The following EYA3 variants were observed in gnomAD, a reference collection of about 807,000 sequenced individuals.
EYA3 encodes the protein protein phosphatase EYA3.
A neutral mutation model predicts 80.0 loss-of-function variants in EYA3; 39 were observed. That is an observed-to-expected ratio of 0.49 (90% CI 0.38 to 0.64). EYA3 has a LOEUF of 0.64. Among genes scored for constraint, EYA3 ranks in the 30% least tolerant of loss-of-function variants. The pLI is 0.00. For synonymous variants in EYA3, 206 were observed against 232.8 expected, an observed-to-expected ratio of 0.88 and a Z score of 1.05; for missense variants, 523 against 676.1, an observed-to-expected ratio of 0.77 and a Z score of 2.51.
At chr1:28,051,978 A>G (rs1204464035) in intron 2 of EYA3, among the ~76,000 whole-genome samples, 1 of 151,698 alleles carries the variant, frequency 6.6e-6, no homozygotes, top group African/African-American at 2.4e-5. Flanking sequence ...AAAAAAGAAC[A>G]AAGTTAGAGG....
At chr1:28,066,716 G>T (rs569838232) in intron 1 of EYA3, among the ~76,000 whole-genome samples, 33 of 151,892 alleles carry the variant, frequency 2.2e-4, no homozygotes, top group Non-Finnish European at 4.1e-4. Flanking sequence ...TTCATGCAAT[G>T]AAAAAAACAA....
At chr1:28,082,209 A>T (rs1645455499) in intron 1 of EYA3, among the ~76,000 whole-genome samples, 1 of 152,152 alleles carries the variant, frequency 6.6e-6, no homozygotes, top group Admixed American at 6.5e-5. Context: ...TCTTACCAGA[A>T]ATATTTATAC....
At chr1:28,002,303 C>A (rs948989569) in intron 11 of EYA3, among the ~76,000 whole-genome samples, 1 of 152,094 alleles carries the variant, frequency 6.6e-6, no homozygotes, top group African/African-American at 2.4e-5. Flanking sequence ...CCCGCCTTGG[C>A]CTCCCAAAGT....
chr1:28,080,033 C>A (rs1235493827), intron 1 of EYA3, among the ~76,000 whole-genome samples: 1 of 152,066 alleles, frequency 6.6e-6, no homozygotes, highest in African/African-American at 2.4e-5. Flanking sequence ...ACTACGGAAA[C>A]TAAAGAAAAA....
chr1:28,076,554 T>G (rs944555090), intron 1 of EYA3, among the ~76,000 whole-genome samples: 1 of 150,092 alleles, frequency 6.7e-6, no homozygotes, highest in Admixed American at 6.7e-5. Flanking sequence ...CTACTAAAAA[T>G]ACAAAAATTA....
chr1:28,065,337 A>G (rs1644794433), intron 1 of EYA3, among the ~76,000 whole-genome samples: 1 of 151,938 alleles, frequency 6.6e-6, no homozygotes, highest in East Asian at 2.0e-4. Flanking sequence ...CAGTGGTGAG[A>G]TCTCAGCTCA....
intron 2 of EYA3, among the ~76,000 whole-genome samples, chr1:28,055,403 G>T (rs1374455294): frequency 6.6e-6 from 1 of 151,594 alleles, no homozygotes; most frequent in East Asian, 1.9e-4. Context: ...AAGCAATAAA[G>T]GGAAAGTGAA....
intron 9 of EYA3, 114 bp from the exon 10 acceptor site, chr1:28,011,200 T>C (rs1641673702): frequency 4.2e-6 from 5 of 1,177,982 alleles, no homozygotes; most frequent in East Asian, 5.0e-5. Flanking sequence ...GGGATAAAGG[T>C]TGGAAAGCTA....
intron 17 of EYA3, among the ~76,000 whole-genome samples, chr1:27,976,714 A>G (rs1638946184): frequency 6.6e-6 from 1 of 152,002 alleles, no homozygotes; most frequent in African/African-American, 2.4e-5. Flanking sequence ...TCCAATTGGT[A>G]TATACTTTGT....
At chr1:27,983,993 G>A (rs1262543462) in intron 16 of EYA3, among the ~76,000 whole-genome samples, 1 of 151,992 alleles carries the variant, frequency 6.6e-6, no homozygotes, top group Non-Finnish European at 1.5e-5. Flanking sequence ...CCAATTAAAT[G>A]TGTTGTAAAT....
intron 3 of EYA3, among the ~76,000 whole-genome samples, chr1:28,047,982 G>A (rs1644089333): frequency 6.6e-6 from 1 of 152,066 alleles, no homozygotes; most frequent in African/African-American, 2.4e-5. Flanking sequence ...TAATGACTAA[G>A]TCATTTCATA....
intron 1 of EYA3, among the ~76,000 whole-genome samples, chr1:28,060,659 C>T (rs763002227): frequency 3.9e-5 from 6 of 152,164 alleles, no homozygotes; most frequent in African/African-American, 1.4e-4. Flanking sequence ...CTTTAAAATT[C>T]TCTGTCTTCT....
intron 13 of EYA3, 38 bp from the exon 14 acceptor site, chr1:27,993,598 C>A: frequency 6.5e-7 from 1 of 1,530,820 alleles, no homozygotes; most frequent in Non-Finnish European, 8.7e-7. Flanking sequence ...AAAATTTATA[C>A]AGCATAAAGT....
chr1:28,088,606 G>C lies in EYA3; in HGVS notation c.-151C>G, dbSNP rs1645760305. 1 of 152,990 alleles carries C rather than the reference G, an allele frequency of 6.5e-6. No individual in the cohort carries two copies. The highest frequency in any genetic ancestry group is 2.4e-5 in the African/African-American group (1 of 41,460). The allele number at this position is 152,990 out of a possible 1,614,324, so 9.5% of individuals were successfully genotyped here. A position where few individuals can be genotyped will look rare whatever the true frequency, so the allele number is the denominator to read the frequency against. ...AACCAATCGAGCGGAGGAAACCGCG[G>C]CGTTAGCGTGACCCGGATGCGCATC... On this transcript the variant is annotated 5_prime_UTR_variant, in exon 1 of 18. Coordinates refer to ENST00000373871, the MANE Select transcript of EYA3 (RefSeq NM_001990.4).
rs140110939 is a variant in EYA3 at position 27,994,564 on chromosome 1, G to C, written c.1143-1004C>G. The stretch of plus-strand genomic sequence containing the variant: ...TAGCTGGGTGTGGTGGCGCATGCCT[G>C]TAGTCCCAGCTACTCGGGAGACTGA... On this transcript the variant is annotated intron_variant, in intron 13 of 17. Transcript: ENST00000373871. 7.5e-3 allele frequency among the ~76,000 whole-genome samples: 1,145 copies of C among 152,170 alleles called. 10 individuals are homozygous for C. Among genetic ancestry groups the C allele is most frequent in the Middle Eastern group, 0.051 (15 of 294 alleles).
intron 9 of EYA3, among the ~76,000 whole-genome samples, chr1:28,011,510 C>T (rs1641695454): frequency 6.6e-6 from 1 of 152,226 alleles, no homozygotes; most frequent in African/African-American, 2.4e-5. Context: ...CACTAGATGC[C>T]AGAAGCACCG....
At chr1:27,975,767 A>G (rs563076625) in intron 17 of EYA3, among the ~76,000 whole-genome samples, 2 of 151,878 alleles carry the variant, frequency 1.3e-5, no homozygotes, top group African/African-American at 4.8e-5. Context: ...TACAGGCGTG[A>G]GCCACCGTGC....
intron 2 of EYA3, among the ~76,000 whole-genome samples, chr1:28,049,209 T>C (rs577920219): frequency 4.6e-5 from 7 of 152,330 alleles, no homozygotes; most frequent in African/African-American, 1.7e-4. Context: ...TATTTAATAT[T>C]ACATTGACTA....
chr1:28,084,007 C>A (rs72658372), intron 1 of EYA3, among the ~76,000 whole-genome samples: 3,767 of 152,270 alleles, frequency 0.025, 94 homozygotes, highest in African/African-American at 0.063. Flanking sequence ...ACATTAACCA[C>A]AGCTAATAAG....
Sources: allele counts gnomAD v4.1 joint callset (sites outside exome capture counted in the v4.1 genomes callset), GRCh38; gene constraint gnomAD v4.1.1; transcripts MANE v1.5; gene names NCBI Gene and HGNC (gene_info 2026-07-23, HGNC 2026-07-21).